Variants in CFHR5 observed in about 807,000 individuals in gnomAD.
CFHR5 encodes the protein complement factor H related 5.
In CFHR5, 73 loss-of-function variants were observed where a neutral mutation model predicts 62.9. That is an observed-to-expected ratio of 1.16 (90% CI 0.96 to 1.41). The LOEUF (loss-of-function observed/expected upper bound fraction) is 1.41, where lower values mean the gene tolerates loss of function less well. Ranked by LOEUF, CFHR5 falls within the 40% of genes most tolerant of loss-of-function variation. The probability of loss-of-function intolerance (pLI) is 0.00; values close to 1 mark genes in which losing one functional copy is unlikely to be tolerated. For missense variants in CFHR5, 779 were observed against 679.9 expected (o/e 1.15, Z -1.62); for synonymous variants, 249 against 227.2 (o/e 1.10, Z -0.86).
At chr1:196,988,267 G>T (rs1226730111) in intron 3 of CFHR5, among the ~76,000 whole-genome samples, 1 of 152,074 alleles carries the variant, frequency 6.6e-6, no homozygotes, top group Non-Finnish European at 1.5e-5. Context: ...AGGAGATTTT[G>T]GGCTGAGACG....
rs369378973 is a variant in CFHR5, at chr1:196,995,741, C to G, written c.632C>G (p.Pro211Arg). 4.3e-6 allele frequency: 7 copies of G among 1,612,892 alleles called. No individual in the cohort carries two copies. The highest frequency in any genetic ancestry group is 5.9e-6 in the Non-Finnish European group (7 of 1,179,210). ...GGACAAGTACGATCATGTGGTCCAC[C>G]TCCTCAACTCTCCAATGGTGAAGTT... ...CKGQVRSCGP[P>R]PQLSNGEVKE... The change falls in exon 5 of 10, where the codon CCT (proline) becomes CGT (arginine). Residue 211 changes from proline to arginine, a missense_variant. Physicochemically the swap from Pro to Arg is moderately radical, Grantham distance 103. Coordinates refer to ENST00000256785, the MANE Select transcript of CFHR5 (RefSeq NM_030787.4).
chr1:196,994,145 A>G lies in CFHR5; in HGVS notation c.496A>G (p.Lys166Glu). 1 of 1,613,638 alleles carries G rather than the reference A, an allele frequency of 6.2e-7. No individual in the cohort carries two copies. ...TGCTCAGCCAAAAAAAGAAAGCTAC[A>G]AAGTTGGAGACGTGTTGAAATTCTC... is the stretch of plus-strand genomic sequence containing the variant. ...VDAQPKKESYKVGDVLKFSCR... is the reference protein window; with the variant it reads ...VDAQPKKESYEVGDVLKFSCR... Residue 166 changes from lysine to glutamate, a missense_variant, in exon 4 of 10, where the codon AAA becomes GAA. Transcript: ENST00000256785.
intron 3 of CFHR5, among the ~76,000 whole-genome samples, chr1:196,988,098 A>C (rs956857672): frequency 1.3e-5 from 2 of 151,982 alleles, no homozygotes; most frequent in Admixed American, 1.3e-4. Flanking sequence ...CCTTGTAAAT[A>C]GGATTCCTAG....
intron 7 of CFHR5, among the ~76,000 whole-genome samples, chr1:197,002,281 G>A (rs113625158): frequency 7.9e-5 from 12 of 151,934 alleles, no homozygotes; most frequent in East Asian, 3.9e-4. Flanking sequence ...AAAAAGAATC[G>A]CTTTTTAAAC....
chr1:196,982,845 C>G (rs1653576138), intron 1 of CFHR5, 40 bp from the exon 2 acceptor site: 2 of 1,545,400 alleles, frequency 1.3e-6, no homozygotes, highest in Non-Finnish European at 1.8e-6. Context: ...ATCGATGTAG[C>G]TCTTTATTTA....
At chr1:197,005,803 G>A (rs2125040354) in intron 9 of CFHR5, among the ~76,000 whole-genome samples, 1 of 152,086 alleles carries the variant, frequency 6.6e-6, no homozygotes, top group East Asian at 1.9e-4. Flanking sequence ...TTCTGACGAT[G>A]TCTCTTTCTT....
chr1:196,991,177 C>T (rs1653839551), intron 3 of CFHR5, among the ~76,000 whole-genome samples: 1 of 152,126 alleles, frequency 6.6e-6, no homozygotes, highest in South Asian at 2.1e-4. Flanking sequence ...CTTGTACATG[C>T]ATCACGTAGT....
chr1:197,004,238 G>C (rs1187327823), intron 8 of CFHR5, among the ~76,000 whole-genome samples: 1 of 152,150 alleles, frequency 6.6e-6, no homozygotes, highest in Non-Finnish European at 1.5e-5. Context: ...AAATGCAGAA[G>C]AGTGTGTCTG....
intron 7 of CFHR5, among the ~76,000 whole-genome samples, chr1:196,999,683 G>GTATATATATATATA (rs35191504): frequency 2.9e-4 from 32 of 110,596 alleles, no homozygotes; most frequent in East Asian, 4.3e-4. Context: ...TTGGGAAAAA[G>GTATATATATATATA]TATATATATA....
At position 196,993,146 on chromosome 1, in the gene CFHR5, TTGAGTA is replaced by T; in HGVS notation, c.431-932_431-927del. 2.0e-5 allele frequency among the ~76,000 whole-genome samples: 3 copies of T among 152,208 alleles called. No individual in the cohort carries two copies. The South Asian group carries it at 6.2e-4, about 32-fold the overall frequency. Reference sequence around the variant, plus strand: ...TTTTACAAACATATTAGTGATAGAGTTGAGTATAAGGGAAAGATTCAAAAAACCTAG... The same window carrying T: ...TTTTACAAACATATTAGTGATAGAGTTAAGGGAAAGATTCAAAAAACCTAG... On this transcript the variant is annotated intron_variant, in intron 3 of 9. Coordinates refer to ENST00000256785, the MANE Select transcript of CFHR5 (RefSeq NM_030787.4).
At chr1:197,007,851 GA>G (rs1386854403) in intron 9 of CFHR5, among the ~76,000 whole-genome samples, 3 of 145,684 alleles carry the variant, frequency 2.1e-5, no homozygotes, top group Non-Finnish European at 4.5e-5. Context: ...TTATACATTA[GA>G]TATAAATTGA....
chr1:197,002,701 G>A, intron 8 of CFHR5, 37 bp downstream of exon 8: 1 of 1,529,198 alleles, frequency 6.5e-7, no homozygotes, highest in Non-Finnish European at 9.0e-7. Context: ...CACTTAAAAA[G>A]AGGTTATTAA....
chr1:196,997,359 C>G (rs1328203492), intron 6 of CFHR5, among the ~76,000 whole-genome samples: 1 of 152,102 alleles, frequency 6.6e-6, no homozygotes, highest in South Asian at 2.1e-4. Context: ...AAATATCAAC[C>G]TCTAGCCCCA....
chr1:196,982,997 T>C lies in CFHR5; in HGVS notation c.171T>C (p.Tyr57=). 3.1e-6 allele frequency: 5 copies of C among 1,614,154 alleles called. No homozygotes were observed. The highest frequency in any genetic ancestry group is 1.1e-5 in the South Asian group (1 of 91,044). The change falls in exon 2 of 10, where the codon TAT becomes TAC. Residue 57 remains tyrosine, a synonymous_variant. Transcript: ENST00000256785. ...AAGTTTTCTATTACTCCTGTGAATA[T>C]AATTTTGTGTCTCCTTCAAAATCCT... The part of the protein sequence containing the change: ...TGEVFYYSCE[Y]NFVSPSKSFW...
intron 4 of CFHR5, 151 bp from the exon 5 acceptor site, chr1:196,995,566 A>G: frequency 1.5e-6 from 1 of 662,798 alleles, no homozygotes; most frequent in Non-Finnish European, 2.7e-6. Context: ...GAATGCAGTC[A>G]ATACACTATG....
intron 1 of CFHR5, among the ~76,000 whole-genome samples, chr1:196,978,056 G>T (rs1032760922): frequency 6.6e-6 from 1 of 152,078 alleles, no homozygotes; most frequent in Non-Finnish European, 1.5e-5. Context: ...CAATGCCACT[G>T]ACTAGAAAAA....
In CFHR5 at chr1:197,002,595, T is replaced by C. The variant is rs1372125289; in HGVS notation, c.1261T>C (p.Tyr421His). Residue 421 changes from tyrosine (Y) to histidine (H), a missense_variant, in exon 8 of 10, where the codon TAT (tyrosine) becomes CAT (histidine). Transcript: ENST00000256785. ...EKVAVLCKEN[Y>H]LLPEAKEIVC... ...AGTAGCTGTTCTCTGTAAAGAAAAC[T>C]ATCTACTTCCAGAAGCAAAAGAAAT... 14 of 1,613,066 alleles carry C rather than the reference T, an allele frequency of 8.7e-6. No homozygotes were observed. The highest frequency in any genetic ancestry group is 1.1e-5 in the Non-Finnish European group (13 of 1,179,178).
At chr1:197,001,812 C>G (rs1034702263) in intron 7 of CFHR5, among the ~76,000 whole-genome samples, 1 of 149,764 alleles carries the variant, frequency 6.7e-6, no homozygotes, top group African/African-American at 2.5e-5. Flanking sequence ...TAGACAGTAG[C>G]CACCACTCTG....
At chr1:197,001,127 G>A (rs1007925768) in intron 7 of CFHR5, among the ~76,000 whole-genome samples, 1 of 152,086 alleles carries the variant, frequency 6.6e-6, no homozygotes, top group Non-Finnish European at 1.5e-5. Flanking sequence ...AGATGCATCT[G>A]GAACTAAGTA....
Sources: gnomAD v4.1 joint callset for allele counts (sites outside exome capture counted in the v4.1 genomes callset) on GRCh38, gnomAD v4.1.1 for gene constraint, MANE v1.5 for transcripts, NCBI Gene and HGNC (gene_info 2026-07-23, HGNC 2026-07-21) for gene names.